TENT2: variants seen among roughly 807,000 people sequenced by gnomAD.
TENT2 encodes poly(A) RNA polymerase GLD2.
Under a neutral mutation model 72.2 loss-of-function variants are expected in TENT2, and 44 were observed. That is an observed-to-expected ratio of 0.61 (90% CI 0.48 to 0.78). The LOEUF (loss-of-function observed/expected upper bound fraction) is 0.78, where lower values mean the gene tolerates loss of function less well. Among genes scored for constraint, TENT2 ranks in the 30% least tolerant of loss-of-function variants. TENT2 has a pLI of 0.00. For synonymous variants in TENT2, 212 were observed against 192.5 expected, an observed-to-expected ratio of 1.10 and a Z score of -0.84; for missense variants, 541 against 569.6, an observed-to-expected ratio of 0.95 and a Z score of 0.51.
At chr5:79,623,641 A>G (rs936803629) in intron 4 of TENT2, 152 bp downstream of exon 4, 1 of 454,136 alleles carries the variant, frequency 2.2e-6, no homozygotes, top group Middle Eastern at 5.7e-4. Flanking sequence ...CTGTCCAAAC[A>G]TTACTTTGAT....
chr5:79,657,239 A>G (rs938382887), intron 11 of TENT2, among the ~76,000 whole-genome samples: 3 of 152,060 alleles, frequency 2.0e-5, no homozygotes, highest in East Asian at 1.9e-4. Context: ...TTTGTTTTGC[A>G]TGATGCTCAA....
chr5:79,617,792 C>CTA (rs1327108285), intron 1 of TENT2, among the ~76,000 whole-genome samples: 1 of 152,168 alleles, frequency 6.6e-6, no homozygotes, highest in African/African-American at 2.4e-5. Flanking sequence ...ATGTCCTGTG[C>CTA]TATTGAGAAG....
intron 10 of TENT2, among the ~76,000 whole-genome samples, chr5:79,653,715 C>G (rs1707664946): frequency 6.6e-6 from 1 of 152,114 alleles, no homozygotes; most frequent in South Asian, 2.1e-4. Context: ...TAAGCTACTC[C>G]TCCCTAGAAG....
In TENT2 at chr5:79,641,165, G is replaced by A; in HGVS notation, c.641G>A (p.Gly214Asp). ...LNGFGTRSSD[G>D]DLCLVVKEEP... ...GGATTTGGTACCCGGAGCAGTGATG[G>A]TGATTTATGCCTAGTTGTTAAGGAA... Residue 214 changes from glycine to aspartate, a missense_variant, in exon 6 of 15, where the codon GGT (glycine) becomes GAT (aspartate). Transcript: ENST00000453514. The A allele has an allele frequency of 6.3e-7, 1 of 1,578,146 alleles. No individual in the cohort carries two copies. Among genetic ancestry groups the A allele is most frequent in the Non-Finnish European group, 8.5e-7 (1 of 1,169,668 alleles).
At chr5:79,655,163 C>G (rs575083622) in intron 10 of TENT2, among the ~76,000 whole-genome samples, 30 of 152,222 alleles carry the variant, frequency 2.0e-4, no homozygotes, top group African/African-American at 6.7e-4. Flanking sequence ...CTACTAAACT[C>G]ATTGAGACTA....
intron 3 of TENT2, among the ~76,000 whole-genome samples, chr5:79,622,997 A>T (rs959602996): frequency 6.6e-6 from 1 of 152,160 alleles, no homozygotes; most frequent in Non-Finnish European, 1.5e-5. Context: ...GGGTAGTTCA[A>T]ATACAGGAGA....
At chr5:79,634,970 A>T (rs1580320011) in intron 4 of TENT2, among the ~76,000 whole-genome samples, 2 of 152,054 alleles carry the variant, frequency 1.3e-5, no homozygotes, top group South Asian at 2.1e-4. Context: ...GGCATTTGCC[A>T]CTGTACCTGG....
intron 9 of TENT2, 112 bp downstream of exon 9, chr5:79,648,805 T>TTA (rs1475251848): frequency 1.2e-6 from 1 of 869,032 alleles, no homozygotes; most frequent in East Asian, 2.6e-5. Flanking sequence ...ATAGTGTATC[T>TTA]TATTTTATTT....
At chr5:79,641,541 G>T (rs1784477197) in intron 6 of TENT2, among the ~76,000 whole-genome samples, 1 of 149,994 alleles carries the variant, frequency 6.7e-6, no homozygotes, top group African/African-American at 2.4e-5. Flanking sequence ...TTATCTTCTT[G>T]ATGTATTTCC....
chr5:79,660,515 CTCT>C (rs1283773904), intron 11 of TENT2, among the ~76,000 whole-genome samples: 1 of 152,062 alleles, frequency 6.6e-6, no homozygotes, highest in Non-Finnish European at 1.5e-5. Flanking sequence ...GAAAATAACC[CTCT>C]TCTTTTTAAT....
intron 4 of TENT2, among the ~76,000 whole-genome samples, chr5:79,638,821 T>C (rs1782218901): frequency 6.6e-6 from 1 of 152,208 alleles, no homozygotes; most frequent in Admixed American, 6.5e-5. Flanking sequence ...CTTTGATTTA[T>C]TCTCCTAGTT....
At chr5:79,614,605 A>G (rs778564078) in intron 1 of TENT2, among the ~76,000 whole-genome samples, 2 of 152,250 alleles carry the variant, frequency 1.3e-5, no homozygotes, top group Admixed American at 6.5e-5. Flanking sequence ...TTATGTATCT[A>G]TCATAAAATT....
At position 79,678,447 on chromosome 5, in the gene TENT2, G is replaced by C. The variant is rs189771933; in HGVS notation, c.1209-1132G>C. Among the ~76,000 whole-genome samples, 513 of 152,024 alleles carry C rather than the reference G, an allele frequency of 3.4e-3. 4 individuals are homozygous for C. Among genetic ancestry groups the C allele is most frequent in the African/African-American group, 0.012 (484 of 41,472 alleles). ...TACTACTTAAAAAATGGTATCAGCT[G>C]TTCCTCAAATTTATTTTTCTCTCAT... On this transcript the variant is annotated intron_variant, in intron 12 of 14. Transcript: ENST00000453514.
intron 11 of TENT2, among the ~76,000 whole-genome samples, chr5:79,662,249 A>G (rs1009115081): frequency 1.3e-5 from 2 of 152,232 alleles, no homozygotes; most frequent in South Asian, 2.1e-4. Context: ...CCACATCTGC[A>G]GTTACTTCCT....
chr5:79,653,929 TTTTG>T (rs1268669636), intron 10 of TENT2, among the ~76,000 whole-genome samples: 1 of 152,172 alleles, frequency 6.6e-6, no homozygotes, highest in Non-Finnish European at 1.5e-5. Flanking sequence ...GACCTTTACG[TTTTG>T]TTTAACTTCT....
chr5:79,635,229 T>C (rs982474376), intron 4 of TENT2, among the ~76,000 whole-genome samples: 1 of 152,202 alleles, frequency 6.6e-6, no homozygotes, highest in African/African-American at 2.4e-5. Flanking sequence ...TTTCAACATA[T>C]ATGTGCATTT....
intron 10 of TENT2, among the ~76,000 whole-genome samples, chr5:79,651,587 C>T (rs1039319764): frequency 2.4e-4 from 37 of 151,924 alleles, no homozygotes; most frequent in African/African-American, 8.9e-4. Flanking sequence ...CCACTTTTGG[C>T]ACACACACAC....
intron 1 of TENT2, among the ~76,000 whole-genome samples, chr5:79,617,132 G>GA (rs1760875211): frequency 6.7e-6 from 1 of 149,690 alleles, no homozygotes; most frequent in Admixed American, 6.6e-5. Flanking sequence ...AAAAAAAAAA[G>GA]AAAAGAAAAA....
At chr5:79,669,774 GA>G (rs1811476878) in intron 12 of TENT2, among the ~76,000 whole-genome samples, 1 of 151,586 alleles carries the variant, frequency 6.6e-6, no homozygotes, top group South Asian at 2.1e-4. Context: ...TACTAGATGG[GA>G]AAATGGTTCT....
Sources: gnomAD v4.1 joint callset for allele counts (sites outside exome capture counted in the v4.1 genomes callset) on GRCh38, gnomAD v4.1.1 for gene constraint, MANE v1.5 for transcripts, NCBI Gene and HGNC (gene_info 2026-07-23, HGNC 2026-07-21) for gene names.